The following PIK3C2A variants were observed in gnomAD, a reference collection of about 807,000 sequenced individuals.
PIK3C2A encodes the protein phosphatidylinositol 4-phosphate 3-kinase C2 domain-containing subunit alpha.
PIK3C2A carries 97 observed loss-of-function variants against 204.5 expected under a neutral mutation model. That is an observed-to-expected ratio of 0.47 (90% CI 0.40 to 0.56). PIK3C2A has a LOEUF of 0.56. PIK3C2A is among the 20% of genes least tolerant of loss of function. PIK3C2A has a pLI of 0.00. For synonymous variants in PIK3C2A, 653 were observed against 664.4 expected, an observed-to-expected ratio of 0.98 and a Z score of 0.26; for missense variants, 1,735 against 1,969.2, an observed-to-expected ratio of 0.88 and a Z score of 2.25.
Position 17,150,645 on chromosome 11 carries a change from T to C in PIK3C2A, c.1180A>G (p.Lys394Glu). The change falls in exon 4 of 33, where the codon AAA becomes GAA. Residue 394 changes from lysine to glutamate, a missense_variant. Coordinates refer to ENST00000691414, the MANE Select transcript of PIK3C2A (RefSeq NM_002645.4). The stretch of plus-strand genomic sequence containing the variant: ...GTGCGGTGATTGGTATATGGAAATT[T>C]GGTCTTCAATCTGTTCACAAGAAAG... ...FCRSITKLKT[K>E]FPYTNHRTNP... The C allele has an allele frequency of 6.3e-7, 1 of 1,594,412 alleles. No individual in the cohort carries two copies. The highest frequency in any genetic ancestry group is 8.5e-7 in the Non-Finnish European group (1 of 1,172,962).
intron 1 of PIK3C2A, chr11:17,194,384 C>T: frequency 4.4e-6 from 1 of 224,816 alleles, no homozygotes. Flanking sequence ...GGCTGGGGTC[C>T]TCACCTCCTG....
At chr11:17,101,607 CT>C (rs768044410) in intron 24 of PIK3C2A, among the ~76,000 whole-genome samples, 173 bp from the exon 25 acceptor site, 177 of 140,438 alleles carry the variant, frequency 1.3e-3, no homozygotes, top group Middle Eastern at 3.6e-3. Flanking sequence ...CTTTTTTTTT[CT>C]TTTTTTTTTT....
chr11:17,186,711 G>A (rs1266672716), intron 1 of PIK3C2A, among the ~76,000 whole-genome samples: 1 of 152,164 alleles, frequency 6.6e-6, no homozygotes, highest in Non-Finnish European at 1.5e-5. Flanking sequence ...GCCCTTTTTA[G>A]TCAGACCAAA....
At chr11:17,160,794 A>T (rs1850748552) in intron 2 of PIK3C2A, among the ~76,000 whole-genome samples, 1 of 152,194 alleles carries the variant, frequency 6.6e-6, no homozygotes, top group African/African-American at 2.4e-5. Flanking sequence ...ATTACACTCT[A>T]GCCTGGATGA....
chr11:17,151,723 T>C (rs1192419845), intron 3 of PIK3C2A, among the ~76,000 whole-genome samples: 3 of 152,192 alleles, frequency 2.0e-5, no homozygotes, highest in African/African-American at 7.2e-5. Context: ...GAATTTAGTT[T>C]ATAAAGCGTT....
At chr11:17,136,664 A>T (rs1849883123) in intron 8 of PIK3C2A, 39 bp from the exon 9 acceptor site, 1 of 1,203,888 alleles carries the variant, frequency 8.3e-7, no homozygotes, top group Non-Finnish European at 1.2e-6. Context: ...AGGTAGGTGA[A>T]ATTTAAAGGA....
Position 17,101,341 on chromosome 11 carries a change from G to A in PIK3C2A, c.3945C>T (p.Leu1315=). ...PTIRFQLFVD[L]CCQAYNLIRK... ...TTATCAAGTTGTAGGCCTGACAGCA[G>A]AGGTCCACAAACAACTGAAAACGAA... Residue 1315 remains leucine, a synonymous_variant, in exon 25 of 33, where the codon CTC becomes CTT. Coordinates refer to ENST00000691414, the MANE Select transcript of PIK3C2A (RefSeq NM_002645.4). 1.3e-6 allele frequency: 2 copies of A among 1,596,138 alleles called. No homozygotes were observed. The highest frequency in any genetic ancestry group is 1.7e-6 in the Non-Finnish European group (2 of 1,166,712).
chr11:17,192,005 C>A (rs1196205755), intron 1 of PIK3C2A, among the ~76,000 whole-genome samples: 1 of 151,158 alleles, frequency 6.6e-6, no homozygotes, highest in African/African-American at 2.4e-5. Context: ...AATTAGCCAG[C>A]GTGGTGGTGC....
intron 21 of PIK3C2A, among the ~76,000 whole-genome samples, chr11:17,112,234 C>T (rs1455488930): frequency 6.6e-6 from 1 of 152,024 alleles, no homozygotes; most frequent in African/African-American, 2.4e-5. Flanking sequence ...GGTGGATCAC[C>T]TGAGGTCAGG....
At chr11:17,179,911 A>G (rs898119082) in intron 1 of PIK3C2A, among the ~76,000 whole-genome samples, 2 of 152,282 alleles carry the variant, frequency 1.3e-5, no homozygotes, top group South Asian at 4.2e-4. Context: ...TCCTGGCTCT[A>G]TATCAGTGTA....
intron 2 of PIK3C2A, among the ~76,000 whole-genome samples, chr11:17,156,350 A>AT (rs1205024894): frequency 5.9e-5 from 9 of 152,334 alleles, no homozygotes; most frequent in African/African-American, 2.2e-4. Context: ...TTCAAGAGCT[A>AT]TAACAGATTT....
chr11:17,097,540 TTGGTATAATGC>T (rs1848488616), intron 26 of PIK3C2A, among the ~76,000 whole-genome samples: 1 of 152,176 alleles, frequency 6.6e-6, no homozygotes, highest in Admixed American at 6.5e-5. Context: ...TAGATGATGA[TTGGTATAATGC>T]TAAAAAGATG....
chr11:17,186,023 C>A (rs564363280), intron 1 of PIK3C2A, among the ~76,000 whole-genome samples: 80 of 152,232 alleles, frequency 5.3e-4, no homozygotes, highest in African/African-American at 1.8e-3. Context: ...TAATATTTGG[C>A]CCCCCATTAT....
At chr11:17,155,496 A>G in intron 3 of PIK3C2A, 30 bp downstream of exon 3, 1 of 1,285,618 alleles carries the variant, frequency 7.8e-7, no homozygotes, top group East Asian at 2.3e-5. Flanking sequence ...GAATTTTTCA[A>G]ATGAACATTT....
At chr11:17,099,419 C>T (rs1848550724) in intron 26 of PIK3C2A, among the ~76,000 whole-genome samples, 2 of 152,070 alleles carry the variant, frequency 1.3e-5, no homozygotes, top group South Asian at 2.1e-4. Context: ...TAGTGGTGTG[C>T]GCCTGTAGTC....
chr11:17,123,421 G>GTTT (rs555389887), intron 13 of PIK3C2A, among the ~76,000 whole-genome samples: 11 of 121,172 alleles, frequency 9.1e-5, no homozygotes, highest in South Asian at 2.7e-4. Context: ...GCTAATTCTT[G>GTTT]TTTTTTTTTT....
At chr11:17,122,967 T>C (rs866193476) in intron 13 of PIK3C2A, among the ~76,000 whole-genome samples, 154 bp from the exon 14 acceptor site, 1 of 152,192 alleles carries the variant, frequency 6.6e-6, no homozygotes, top group African/African-American at 2.4e-5. Context: ...CTCCACATTG[T>C]ACTGAAACTT....
intron 27 of PIK3C2A, among the ~76,000 whole-genome samples, chr11:17,096,227 C>T (rs899901993): frequency 3.3e-5 from 5 of 149,664 alleles, no homozygotes; most frequent in South Asian, 2.1e-4. Flanking sequence ...TTATTAGAGA[C>T]GGGGTTTCAC....
intron 13 of PIK3C2A, among the ~76,000 whole-genome samples, chr11:17,125,661 C>T (rs897552377): frequency 5.3e-5 from 8 of 152,010 alleles, no homozygotes; most frequent in African/African-American, 1.7e-4. Context: ...ACTATAGGCA[C>T]GAGCCACCAT....
Sources: allele counts gnomAD v4.1 joint callset (sites outside exome capture counted in the v4.1 genomes callset), GRCh38; gene constraint gnomAD v4.1.1; transcripts MANE v1.5; gene names NCBI Gene and HGNC (gene_info 2026-07-23, HGNC 2026-07-21).